EPM2A: variants seen among roughly 807,000 people sequenced by gnomAD.
EPM2A encodes EPM2A glucan phosphatase, laforin, also known as laforin.
Under a neutral mutation model 26.5 loss-of-function variants are expected in EPM2A, and 21 were observed. That is an observed-to-expected ratio of 0.79 (90% CI 0.56 to 1.14). The LOEUF (loss-of-function observed/expected upper bound fraction) is 1.14, where lower values mean the gene tolerates loss of function less well. Among genes scored for constraint, EPM2A ranks in the 50% most tolerant of loss-of-function variants. The pLI is 0.00. For missense variants in EPM2A, 458 were observed against 440.8 expected (o/e 1.04, Z -0.35); for synonymous variants, 217 against 177.6 (o/e 1.22, Z -1.76).
chr6:145,598,186 A>G (rs540248181), intron 2 of EPM2A, among the ~76,000 whole-genome samples: 1 of 152,294 alleles, frequency 6.6e-6, no homozygotes, highest in South Asian at 2.1e-4. Flanking sequence ...CTATACTCCC[A>G]CTAACAATGT....
At chr6:145,687,701 A>G (rs1046553555) in intron 1 of EPM2A, among the ~76,000 whole-genome samples, 13 of 152,160 alleles carry the variant, frequency 8.5e-5, no homozygotes, top group Non-Finnish European at 1.6e-4. Flanking sequence ...TGCTTGGCGT[A>G]AGCTCTCAAA....
intron 2 of EPM2A, among the ~76,000 whole-genome samples, chr6:145,513,012 A>G (rs368596008): frequency 7.0e-4 from 106 of 152,270 alleles, no homozygotes; most frequent in African/African-American, 2.5e-3. Flanking sequence ...CAAAGAATTT[A>G]TGATGAAGAC....
chr6:145,484,335 A>G (rs1282658554), intron 4 of EPM2A, among the ~76,000 whole-genome samples: 1 of 152,070 alleles, frequency 6.6e-6, no homozygotes, highest in Non-Finnish European at 1.5e-5. Flanking sequence ...TTTTTCTAAA[A>G]GAGCACCCCA....
intron 2 of EPM2A, among the ~76,000 whole-genome samples, chr6:145,592,002 C>A (rs892921749): frequency 6.6e-6 from 1 of 151,912 alleles, no homozygotes; most frequent in Non-Finnish European, 1.5e-5. Context: ...TAGAAATGCA[C>A]ATTTTATTGT....
chr6:145,618,863 T>C (rs1179692340), intron 2 of EPM2A, among the ~76,000 whole-genome samples: 1 of 152,132 alleles, frequency 6.6e-6, no homozygotes, highest in Non-Finnish European at 1.5e-5. Context: ...GAGACAGTAG[T>C]ATATTTGAAG....
intron 2 of EPM2A, among the ~76,000 whole-genome samples, chr6:145,590,262 C>T (rs1781254582): frequency 6.6e-6 from 1 of 151,976 alleles, no homozygotes. Context: ...CCAAGAGAAA[C>T]TCCCCTCACA....
chr6:145,442,994 G>T (rs1335955232), intron 4 of EPM2A, among the ~76,000 whole-genome samples: 2 of 152,060 alleles, frequency 1.3e-5, no homozygotes, highest in Non-Finnish European at 2.9e-5. Context: ...CTGAGTAGCT[G>T]GGACTACAGG....
rs1411746261 is a variant in EPM2A, at chr6:145,711,016, A to C, written c.301+24182T>G. ...GGGATAGCATTAGGAGATATACCTAATGTTAAATGACGAGTTAATGGGTGC... is the reference window on the plus strand; with the variant it reads ...GGGATAGCATTAGGAGATATACCTACTGTTAAATGACGAGTTAATGGGTGC... On this transcript the variant is annotated intron_variant, in intron 1 of 3. Coordinates refer to ENST00000367519, the MANE Select transcript of EPM2A (RefSeq NM_005670.4). 2.0e-5 allele frequency among the ~76,000 whole-genome samples: 3 copies of C among 151,238 alleles called. 1 individual carries two copies. The highest frequency in any genetic ancestry group is 7.3e-5 in the African/African-American group (3 of 41,366).
intron 1 of EPM2A, among the ~76,000 whole-genome samples, chr6:145,718,115 C>G (rs1583117023): frequency 1.3e-5 from 2 of 152,086 alleles, no homozygotes; most frequent in East Asian, 3.9e-4. Flanking sequence ...TTGGAAAAAA[C>G]TACTTTAAAG....
chr6:145,713,682 T>C (rs1259781650), intron 1 of EPM2A, among the ~76,000 whole-genome samples: 2 of 152,178 alleles, frequency 1.3e-5, no homozygotes, highest in Non-Finnish European at 2.9e-5. Context: ...CTCAAAAAGT[T>C]AAACATAGAG....
chr6:145,566,638 GC>G (rs772951917), intron 2 of EPM2A, among the ~76,000 whole-genome samples: 5 of 152,152 alleles, frequency 3.3e-5, no homozygotes, highest in Admixed American at 6.5e-5. Flanking sequence ...GCTTAAGAGA[GC>G]AAAAAGACAT....
At chr6:145,535,153 G>A (rs1052786177) in intron 2 of EPM2A, among the ~76,000 whole-genome samples, 11 of 152,106 alleles carry the variant, frequency 7.2e-5, no homozygotes, top group African/African-American at 1.4e-4. Context: ...GTCAACAGCC[G>A]CACCCTTGGA....
At chr6:145,472,864 A>G (rs1218829979) in intron 4 of EPM2A, among the ~76,000 whole-genome samples, 1 of 152,176 alleles carries the variant, frequency 6.6e-6, no homozygotes, top group East Asian at 1.9e-4. Context: ...TAAAGCAGAA[A>G]CTGCTTAGAT....
At chr6:145,398,844 A>C (rs1171778161) in intron 4 of EPM2A, among the ~76,000 whole-genome samples, 1 of 139,576 alleles carries the variant, frequency 7.2e-6, no homozygotes, top group Non-Finnish European at 1.5e-5. Flanking sequence ...TGGGTGACAG[A>C]GTGAGACTCT....
chr6:145,694,018 G>A (rs1447427966), intron 1 of EPM2A, among the ~76,000 whole-genome samples: 1 of 151,826 alleles, frequency 6.6e-6, no homozygotes, highest in Non-Finnish European at 1.5e-5. Flanking sequence ...GAGAGTTTCG[G>A]TTAAAATATG....
chr6:145,473,935 G>T (rs1779508109), intron 4 of EPM2A, among the ~76,000 whole-genome samples: 1 of 152,064 alleles, frequency 6.6e-6, no homozygotes, highest in African/African-American at 2.4e-5. Context: ...CAATTAGAAA[G>T]AAAAGGACAT....
chr6:145,392,820 T>C (rs9497288), intron 4 of EPM2A, among the ~76,000 whole-genome samples: 56,973 of 151,866 alleles, frequency 0.38, 10,941 homozygotes, highest in South Asian at 0.45. Flanking sequence ...GTTTGGCACA[T>C]CCTAAAACTG....
At chr6:145,692,864 G>C (rs1434974369) in intron 1 of EPM2A, among the ~76,000 whole-genome samples, 4 of 152,022 alleles carry the variant, frequency 2.6e-5, no homozygotes, top group African/African-American at 9.7e-5. Flanking sequence ...CTCCAGCTTT[G>C]TTCTTTTTGC....
intron 1 of EPM2A, among the ~76,000 whole-genome samples, chr6:145,690,309 G>C (rs976180976): frequency 1.3e-5 from 2 of 151,970 alleles, no homozygotes; most frequent in African/African-American, 4.8e-5. Flanking sequence ...AGGAGATCGA[G>C]ACCATCCTGG....
Sources: allele counts gnomAD v4.1 joint callset (sites outside exome capture counted in the v4.1 genomes callset), GRCh38; gene constraint gnomAD v4.1.1; transcripts MANE v1.5; gene names NCBI Gene and HGNC (gene_info 2026-07-23, HGNC 2026-07-21).